Variants in WRAP53 observed in about 807,000 individuals in gnomAD.
WRAP53 encodes the protein telomerase Cajal body protein 1.
In WRAP53, 28 loss-of-function variants were observed where a neutral mutation model predicts 56.6. That is an observed-to-expected ratio of 0.50 (90% CI 0.37 to 0.68). The LOEUF (loss-of-function observed/expected upper bound fraction) is 0.68. Among genes scored for constraint, WRAP53 ranks in the 30% least tolerant of loss-of-function variants. WRAP53 has a pLI of 0.00. For missense variants in WRAP53, 671 were observed against 715.5 expected, an observed-to-expected ratio of 0.94 and a Z score of 0.71; for synonymous variants, 283 against 283.4, an observed-to-expected ratio of 1.00 and a Z score of 0.01.
chr17:7,703,372 A>C lies in WRAP53; in HGVS notation c.1533A>C (p.Glu511Asp), dbSNP rs1427363302. ...TCTCCACGCGCCACGTCCACCTTGAATGTCGGCTTCAGCTCTGGTGGTGTG... is the reference window on the plus strand; with the variant it reads ...TCTCCACGCGCCACGTCCACCTTGACTGTCGGCTTCAGCTCTGGTGGTGTG... ...PLLSTRHVHL[E>D]CRLQLWWCGG... is the part of the protein sequence containing the mutation. The change falls in exon 11 of 11, where the codon GAA becomes GAC. Residue 511 changes from glutamate (E) to aspartate (D), a missense_variant. Coordinates refer to ENST00000396463, the MANE Select transcript of WRAP53 (RefSeq NM_001143992.2). The C allele has an allele frequency of 6.2e-7, 1 of 1,613,706 alleles. No individual in the cohort carries two copies. The highest frequency in any genetic ancestry group is 1.3e-5 in the African/African-American group (1 of 74,778).
chr17:7,696,225 T>G (rs1159321691), intron 4 of WRAP53, among the ~76,000 whole-genome samples: 2 of 146,554 alleles, frequency 1.4e-5, no homozygotes, highest in Non-Finnish European at 3.0e-5. Context: ...TGAAAGCCAG[T>G]GGGTTGAAAG....
Position 7,688,532 on chromosome 17 carries a change from G to T in WRAP53, c.-31G>T. The T allele has an allele frequency of 8.8e-7, 1 of 1,136,074 alleles. No homozygotes were observed. The highest frequency in any genetic ancestry group is 2.6e-5 in the East Asian group (1 of 39,066). The allele number at this position is 1,136,074 out of a possible 1,614,324, so 70.4% of individuals were successfully genotyped here. A position where few individuals can be genotyped will look rare whatever the true frequency, so the allele number is the denominator to read the frequency against. On this transcript the variant is annotated 5_prime_UTR_variant, in exon 1 of 11. Coordinates refer to ENST00000396463, the MANE Select transcript of WRAP53 (RefSeq NM_001143992.2). ...TCGCCTCTCCTCCCGGGAGTCTTCT[G>T]CCTACTCCCAGAAGAGGAGGGAAGC...
intron 4 of WRAP53, among the ~76,000 whole-genome samples, chr17:7,694,563 A>G (rs111651786): frequency 3.9e-5 from 6 of 152,016 alleles, no homozygotes; most frequent in Non-Finnish European, 7.4e-5. Flanking sequence ...TTTTCAAAAG[A>G]TTTTTGTGGC....
intron 4 of WRAP53, among the ~76,000 whole-genome samples, chr17:7,697,962 G>T (rs911685988): frequency 1.3e-5 from 2 of 151,570 alleles, no homozygotes; most frequent in Non-Finnish European, 2.9e-5. Context: ...CAAACTCCTG[G>T]GGTCAAGCAG....
chr17:7,697,505 A>G (rs553450640), intron 4 of WRAP53, among the ~76,000 whole-genome samples: 1 of 152,016 alleles, frequency 6.6e-6, no homozygotes, highest in South Asian at 2.1e-4. Context: ...TAAAAAGTAT[A>G]AAAATTAGCC....
chr17:7,695,201 C>T (rs879438981), intron 4 of WRAP53, among the ~76,000 whole-genome samples: 46 of 152,074 alleles, frequency 3.0e-4, no homozygotes, highest in Non-Finnish European at 5.3e-4. Flanking sequence ...GTGATCCGCC[C>T]GCCTTGGCCT....
Position 7,700,844 on chromosome 17 carries a change from C to A in WRAP53, c.731+15C>A. ...GACACCTCCTAGTAAGTAATGTTTGCCTCCCTGCTCGCCGCCCCACCACCC... is the reference window on the plus strand; with the variant it reads ...GACACCTCCTAGTAAGTAATGTTTGACTCCCTGCTCGCCGCCCCACCACCC... On this transcript the variant is annotated intron_variant, in intron 5 of 10. Coordinates refer to ENST00000396463, the MANE Select transcript of WRAP53 (RefSeq NM_001143992.2). 1 of 1,591,070 alleles carries A rather than the reference C, an allele frequency of 6.3e-7. No homozygotes were observed. The highest frequency in any genetic ancestry group is 8.6e-7 in the Non-Finnish European group (1 of 1,159,462).
chr17:7,688,875 C>A lies in WRAP53; in HGVS notation c.227C>A (p.Ser76Tyr). Residue 76 changes from serine (S) to tyrosine (Y), a missense_variant, in exon 2 of 11, where the codon TCC (serine) becomes TAC (tyrosine). Ser to Tyr is a moderately radical substitution (Grantham distance 144). This residue lies in a region of WRAP53 where 406 missense variants were observed against 418.5 expected (regional missense o/e 0.97). Transcript: ENST00000396463. ...ELREGDPVSL[S>Y]TPLETEFGSP... Reference sequence around the variant, plus strand: ...CGGGAGGGGGACCCAGTTTCTCTCTCCACTCCCCTGGAAACAGAGTTTGGT... The same window carrying A: ...CGGGAGGGGGACCCAGTTTCTCTCTACACTCCCCTGGAAACAGAGTTTGGT... The A allele has an allele frequency of 6.2e-7, 1 of 1,614,078 alleles. No homozygotes were observed. Among genetic ancestry groups the A allele is most frequent in the East Asian group, 2.2e-5 (1 of 44,902 alleles).
chr17:7,691,192 G>A (rs1046790488), intron 4 of WRAP53, among the ~76,000 whole-genome samples: 6 of 151,138 alleles, frequency 4.0e-5, no homozygotes, highest in African/African-American at 1.5e-4. Context: ...CTGGGTGACA[G>A]AGTGAGACTC....
Position 7,688,546 on chromosome 17 carries a change from G to A in WRAP53, c.-17G>A. 1.6e-6 allele frequency: 2 copies of A among 1,289,068 alleles called. No individual in the cohort carries two copies. Among genetic ancestry groups the A allele is most frequent in the East Asian group, 2.5e-5 (1 of 39,912 alleles). The allele number at this position is 1,289,068 out of a possible 1,614,324, so 79.9% of individuals were successfully genotyped here. On this transcript the variant is annotated 5_prime_UTR_variant, in exon 1 of 11. Coordinates refer to ENST00000396463, the MANE Select transcript of WRAP53 (RefSeq NM_001143992.2). ...GGGAGTCTTCTGCCTACTCCCAGAAGAGGAGGGAAGCACAGGTGGGTTTCT... is the reference window on the plus strand; with the variant it reads ...GGGAGTCTTCTGCCTACTCCCAGAAAAGGAGGGAAGCACAGGTGGGTTTCT...
chr17:7,692,214 T>A (rs2074120602), intron 4 of WRAP53, among the ~76,000 whole-genome samples: 1 of 149,392 alleles, frequency 6.7e-6, no homozygotes, highest in African/African-American at 2.5e-5. Flanking sequence ...GCACGGTGGC[T>A]CACGCCTGTA....
At chr17:7,700,548 A>T (rs1042329082) in intron 4 of WRAP53, among the ~76,000 whole-genome samples, 193 bp from the exon 5 acceptor site, 2 of 137,722 alleles carry the variant, frequency 1.5e-5, no homozygotes, top group East Asian at 4.0e-4. Context: ...TCAAAATAAT[A>T]AAAAAAAAAA....
intron 4 of WRAP53, among the ~76,000 whole-genome samples, chr17:7,699,426 T>TA (rs1378905907): frequency 4.8e-4 from 48 of 99,040 alleles, no homozygotes; most frequent in African/African-American, 1.4e-3. Context: ...CCTTTAAAAT[T>TA]AAAAAAAAAA....
At position 7,702,947 on chromosome 17, in the gene WRAP53, C is replaced by T. The variant is rs1257264866; in HGVS notation, c.1269-46C>T. On this transcript the variant is annotated intron_variant, in intron 9 of 10. Transcript: ENST00000396463. This position sits in a 1 kb window ranked among gnomAD's most constrained non-coding sequence, Gnocchi z 5.0. Reference sequence around the variant, plus strand: ...GTCCCTGGGTGTGAGGGGTTCCTGCCCCAGGGGTGAGGCCTCTGCCAGCAA... The same window carrying T: ...GTCCCTGGGTGTGAGGGGTTCCTGCTCCAGGGGTGAGGCCTCTGCCAGCAA... 2 of 1,612,978 alleles carry T rather than the reference C, an allele frequency of 1.2e-6. No homozygotes were observed. Among genetic ancestry groups the T allele is most frequent in the African/African-American group, 2.7e-5 (2 of 75,018 alleles).
chr17:7,702,380 T>G lies in WRAP53; in HGVS notation c.992T>G (p.Ile331Arg). The change falls in exon 8 of 11, where the codon ATA becomes AGA. Residue 331 changes from isoleucine (I) to arginine (R), a missense_variant. Coordinates refer to ENST00000396463, the MANE Select transcript of WRAP53 (RefSeq NM_001143992.2). The surrounding 1 kb of genome is among the most constrained non-coding windows in gnomAD (Gnocchi z 5.0). ...KQGQSGIISC[I>R]AFSPAQPLYA... ...GGCCAGAGCGGCATCATCTCCTGCA[T>G]AGCCTTCAGCCCAGCCCAGCCCCTC... is the stretch of plus-strand genomic sequence containing the variant. 3.7e-6 allele frequency: 6 copies of G among 1,614,156 alleles called. No individual in the cohort carries two copies. Among genetic ancestry groups the G allele is most frequent in the Non-Finnish European group, 5.1e-6 (6 of 1,180,024 alleles).
At chr17:7,694,855 CTT>C (rs35283667) in intron 4 of WRAP53, among the ~76,000 whole-genome samples, 10,432 of 136,778 alleles carry the variant, frequency 0.076, 501 homozygotes, top group South Asian at 0.18. Context: ...CCTTTTTGTG[CTT>C]TTTTTTTTTT....
Position 7,688,515 on chromosome 17 carries a change from C to G in WRAP53, c.-48C>G. On this transcript the variant is annotated 5_prime_UTR_variant, in exon 1 of 11. Coordinates refer to ENST00000396463, the MANE Select transcript of WRAP53 (RefSeq NM_001143992.2). Reference sequence around the variant, plus strand: ...GAATTGGCGTCCGCTGTTCGCCTCTCCTCCCGGGAGTCTTCTGCCTACTCC... The same window carrying G: ...GAATTGGCGTCCGCTGTTCGCCTCTGCTCCCGGGAGTCTTCTGCCTACTCC... 1 of 946,620 alleles carries G rather than the reference C, an allele frequency of 1.1e-6. No homozygotes were observed. Among genetic ancestry groups the G allele is most frequent in the South Asian group, 1.6e-5 (1 of 62,620 alleles). The allele number at this position is 946,620 out of a possible 1,614,324, so 58.6% of individuals were successfully genotyped here. A position where few individuals can be genotyped will look rare whatever the true frequency, so the allele number is the denominator to read the frequency against.
intron 2 of WRAP53, 60 bp downstream of exon 2, chr17:7,689,139 T>C: frequency 6.2e-7 from 1 of 1,613,488 alleles, no homozygotes; most frequent in East Asian, 2.2e-5. Flanking sequence ...GGTCGATCTG[T>C]CCTCTGGTCC....
In WRAP53 at chr17:7,701,467, G is replaced by A. The variant is rs758898596; in HGVS notation, c.740G>A (p.Ser247Asn). 6.2e-6 allele frequency: 10 copies of A among 1,614,108 alleles called. No homozygotes were observed. The highest frequency in any genetic ancestry group is 2.2e-5 in the East Asian group (1 of 44,880). ...SAQPDTSYVA[S>N]SSRENPIHIW... ...GTCCATGTCTCTCTCAGCGTGGCCA[G>A]CAGCAGCCGGGAGAACCCGATTCAT... The change falls in exon 6 of 11, where the codon AGC becomes AAC. Residue 247 changes from serine (S) to asparagine (N), a missense_variant. Around this residue, in one of 3 missense-constraint regions of WRAP53, gnomAD observed 406 missense variants for 418.5 expected, o/e 0.97. Coordinates refer to ENST00000396463, the MANE Select transcript of WRAP53 (RefSeq NM_001143992.2). This position sits in a 1 kb window ranked among gnomAD's most constrained non-coding sequence, Gnocchi z 4.2.
Sources: allele counts gnomAD v4.1 joint callset (sites outside exome capture counted in the v4.1 genomes callset), GRCh38; gene constraint gnomAD v4.1.1; regional missense constraint gnomAD v4.1.1; non-coding constraint Gnocchi (gnomAD v3.1); transcripts MANE v1.5; gene names NCBI Gene and HGNC (gene_info 2026-07-23, HGNC 2026-07-21).